Variants in CTNNA2 observed in about 807,000 individuals in gnomAD.
The protein encoded by CTNNA2 is catenin alpha-2.
CTNNA2 carries 42 observed loss-of-function variants against 101.0 expected under a neutral mutation model. That is an observed-to-expected ratio of 0.42 (90% confidence interval 0.32 to 0.54). The LOEUF is 0.54. CTNNA2 is among the 20% of genes least tolerant of loss of function. The probability of loss-of-function intolerance (pLI) is 0.14; values close to 1 mark genes in which losing one functional copy is unlikely to be tolerated. For missense variants in CTNNA2, 871 were observed against 1,223.1 expected (o/e 0.71, Z 4.29); for synonymous variants, 450 against 456.4 (o/e 0.99, Z 0.18).
chr2:80,260,528 T>C (rs1672527855), intron 7 of CTNNA2, among the ~76,000 whole-genome samples: 1 of 152,200 alleles, frequency 6.6e-6, no homozygotes, highest in South Asian at 2.1e-4. Flanking sequence ...TTTGCACAAA[T>C]TGAAGGAACC....
At chr2:80,335,213 T>G (rs1057241618) in intron 7 of CTNNA2, among the ~76,000 whole-genome samples, 1 of 152,220 alleles carries the variant, frequency 6.6e-6, no homozygotes, top group Non-Finnish European at 1.5e-5. Context: ...GGAAAGGATG[T>G]GGAGGGTCTT....
chr2:80,182,216 A>G (rs1362114726), intron 7 of CTNNA2, among the ~76,000 whole-genome samples: 1 of 152,132 alleles, frequency 6.6e-6, no homozygotes, highest in Non-Finnish European at 1.5e-5. Context: ...CCCCTGGTAA[A>G]CCACTGGTTT....
At chr2:79,468,975 G>A (rs1474058019) in intron 4 of CTNNA2, among the ~76,000 whole-genome samples, 4 of 152,048 alleles carry the variant, frequency 2.6e-5, no homozygotes, top group Non-Finnish European at 5.9e-5. Flanking sequence ...AAGAACTAGA[G>A]AAGCAAGAGC....
At chr2:80,102,564 G>T (rs1296980775) in intron 7 of CTNNA2, among the ~76,000 whole-genome samples, 2 of 152,174 alleles carry the variant, frequency 1.3e-5, no homozygotes, top group African/African-American at 4.8e-5. Context: ...CCAGGCTGGA[G>T]TTCAGTGGCA....
chr2:80,585,987 C>A (rs1391942028), intron 14 of CTNNA2, among the ~76,000 whole-genome samples: 1 of 152,134 alleles, frequency 6.6e-6, no homozygotes, highest in Non-Finnish European at 1.5e-5. Flanking sequence ...ATAATATCTT[C>A]CTTTGCAAAC....
chr2:80,478,368 C>A (rs969257874), intron 9 of CTNNA2, among the ~76,000 whole-genome samples: 2 of 152,008 alleles, frequency 1.3e-5, no homozygotes, highest in Non-Finnish European at 2.9e-5. Flanking sequence ...TTGATTATTT[C>A]TTTTGCTGTG....
intron 6 of CTNNA2, among the ~76,000 whole-genome samples, chr2:79,906,011 CT>C (rs1685400437): frequency 6.6e-6 from 1 of 151,964 alleles, no homozygotes; most frequent in Admixed American, 6.6e-5. Context: ...TATTTTCTCG[CT>C]TGTTGGAGCC....
At chr2:80,489,611 G>A (rs1473259581) in intron 9 of CTNNA2, among the ~76,000 whole-genome samples, 2 of 152,162 alleles carry the variant, frequency 1.3e-5, no homozygotes, top group African/African-American at 2.4e-5. Flanking sequence ...TCTGAAAAGT[G>A]AATGTTGGTA....
At chr2:80,102,088 C>A (rs1008877305) in intron 7 of CTNNA2, among the ~76,000 whole-genome samples, 2 of 152,112 alleles carry the variant, frequency 1.3e-5, no homozygotes, top group African/African-American at 4.8e-5. Flanking sequence ...GGCTTTGCTC[C>A]CTCTTGAGTT....
intron 9 of CTNNA2, among the ~76,000 whole-genome samples, chr2:80,483,117 G>A (rs79197409): frequency 0.047 from 7,097 of 152,174 alleles, 518 homozygotes; most frequent in African/African-American, 0.15. Flanking sequence ...AATAGTATTA[G>A]TGTCTCTGAG....
At chr2:80,463,501 C>A (rs779897044) in intron 9 of CTNNA2, among the ~76,000 whole-genome samples, 3 of 152,074 alleles carry the variant, frequency 2.0e-5, no homozygotes, top group Non-Finnish European at 4.4e-5. Context: ...TCTTTATTCT[C>A]ATTCTGTGTG....
intron 9 of CTNNA2, among the ~76,000 whole-genome samples, chr2:80,444,872 G>C (rs963202116): frequency 6.6e-6 from 1 of 152,160 alleles, no homozygotes. Context: ...CCAGACTGTA[G>C]TATGACACTT....
chr2:80,457,900 C>G (rs1684113576), intron 9 of CTNNA2, among the ~76,000 whole-genome samples: 2 of 152,196 alleles, frequency 1.3e-5, no homozygotes, highest in South Asian at 4.2e-4. Context: ...CAGAGGAGAT[C>G]GAAAGAGATG....
At chr2:80,174,052 G>A (rs1037034122) in intron 7 of CTNNA2, among the ~76,000 whole-genome samples, 1 of 152,166 alleles carries the variant, frequency 6.6e-6, no homozygotes, top group African/African-American at 2.4e-5. Flanking sequence ...GTAGCTGGGA[G>A]GTAATAGATT....
At chr2:80,090,053 A>G (rs1699687670) in intron 7 of CTNNA2, among the ~76,000 whole-genome samples, 1 of 151,906 alleles carries the variant, frequency 6.6e-6, no homozygotes, top group South Asian at 2.1e-4. Context: ...GGTGTCCTCA[A>G]GAGAGGTCTG....
chr2:80,328,477 A>G (rs1671025284), intron 7 of CTNNA2: 3 of 438,724 alleles, frequency 6.8e-6, no homozygotes, highest in South Asian at 5.1e-5. Flanking sequence ...TGGAGCAGTC[A>G]TCTGGAGCAG....
At chr2:79,363,781 C>G (rs376587912) in intron 3 of CTNNA2, among the ~76,000 whole-genome samples, 1 of 152,120 alleles carries the variant, frequency 6.6e-6, no homozygotes, top group Admixed American at 6.6e-5. Flanking sequence ...GCCCGAGGAG[C>G]AAACGAATTA....
intron 3 of CTNNA2, among the ~76,000 whole-genome samples, chr2:79,834,230 CT>C (rs910206450): frequency 1.3e-4 from 19 of 151,060 alleles, no homozygotes; most frequent in African/African-American, 2.9e-4. Flanking sequence ...AGATCTTTGC[CT>C]TTTTTTTTCT....
chr2:79,982,391 A>G (rs1691427066), intron 7 of CTNNA2, among the ~76,000 whole-genome samples: 1 of 142,462 alleles, frequency 7.0e-6, no homozygotes, highest in Non-Finnish European at 1.5e-5. Flanking sequence ...TATAACATAT[A>G]TAACATATAT....
Sources: allele counts gnomAD v4.1 joint callset (sites outside exome capture counted in the v4.1 genomes callset), GRCh38; gene constraint gnomAD v4.1.1; transcripts MANE v1.5; gene names NCBI Gene and HGNC (gene_info 2026-07-23, HGNC 2026-07-21).